CFAP70: variants seen among roughly 807,000 people sequenced by gnomAD.
The protein encoded by CFAP70 is cilia- and flagella-associated protein 70.
Under a neutral mutation model 137.6 loss-of-function variants are expected in CFAP70, and 81 were observed. That is an observed-to-expected ratio of 0.59 (90% CI 0.49 to 0.71). The LOEUF (loss-of-function observed/expected upper bound fraction) is 0.71. CFAP70 is among the 30% of genes least tolerant of loss of function. The probability of loss-of-function intolerance (pLI) is 0.00; values close to 1 mark genes in which losing one functional copy is unlikely to be tolerated. For synonymous variants in CFAP70, 382 were observed against 423.6 expected (o/e 0.90, Z 1.20); for missense variants, 976 against 1,226.7 (o/e 0.80, Z 3.05).
chr10:73,343,792 C>G (rs2053479157), intron 5 of CFAP70, among the ~76,000 whole-genome samples: 2 of 151,954 alleles, frequency 1.3e-5, no homozygotes, highest in African/African-American at 4.8e-5. Context: ...GAGCCCTTTT[C>G]AAGTTTAAAA....
chr10:73,362,798 G>T (rs540591064), upstream of CFAP70, among the ~76,000 whole-genome samples: 48 of 152,040 alleles, frequency 3.2e-4, no homozygotes, highest in African/African-American at 1.2e-3. Context: ...AGGACTTCCA[G>T]TACTATGTTG....
intron 25 of CFAP70, 99 bp from the exon 27 acceptor site, chr10:73,256,515 G>A (rs889391845): frequency 8.2e-7 from 1 of 1,224,050 alleles, no homozygotes. Flanking sequence ...TACACCTAAG[G>A]CAGAGGCTTC....
chr10:73,303,681 ATAGAG>A (rs1400196833), intron 12 of CFAP70, among the ~76,000 whole-genome samples: 22 of 152,244 alleles, frequency 1.4e-4, no homozygotes, highest in African/African-American at 4.6e-4. Context: ...AAAGTACTAT[ATAGAG>A]TACTTTATGT....
intron 12 of CFAP70, among the ~76,000 whole-genome samples, chr10:73,306,428 G>A (rs2049383492): frequency 6.6e-6 from 1 of 152,034 alleles, no homozygotes; most frequent in East Asian, 1.9e-4. Flanking sequence ...CAAAGACAAA[G>A]AAAAAATATC....
At chr10:73,301,137 C>T (rs555839492) in intron 12 of CFAP70, among the ~76,000 whole-genome samples, 1 of 152,158 alleles carries the variant, frequency 6.6e-6, no homozygotes, top group African/African-American at 2.4e-5. Context: ...AGGAAGGCCT[C>T]GCTGAGATGT....
intron 5 of CFAP70, among the ~76,000 whole-genome samples, chr10:73,343,090 G>T (rs2053404304): frequency 6.6e-6 from 1 of 151,662 alleles, no homozygotes. Flanking sequence ...GGTGCCTGTA[G>T]TCCCAGCTAC....
At position 73,310,281 on chromosome 10, in the gene CFAP70, GAAA is replaced by G. The variant is rs771790319; in HGVS notation, c.1165-35_1165-33del. On this transcript the variant is annotated intron_variant, in intron 11 of 26. Coordinates refer to ENST00000310715, the Ensembl canonical transcript of CFAP70. ...AGACATTGTTTTCTTATTATTTCCA[GAAA>G]AAAATATATTTATGAAAAATTTAGT... 2.0e-6 allele frequency: 3 copies of G among 1,489,642 alleles called. No homozygotes were observed. In the African/African-American group the frequency reaches 4.2e-5, roughly 21 times the overall value. 92.3% of individuals were successfully genotyped at this position (1,489,642 alleles called of 1,614,324 possible). A position where few individuals can be genotyped will look rare whatever the true frequency, so the allele number is the denominator to read the frequency against.
chr10:73,329,588 T>C lies in CFAP70; in HGVS notation c.777+1589A>G, dbSNP rs569735224. 1.8e-3 allele frequency among the ~76,000 whole-genome samples: 276 copies of C among 152,308 alleles called. 1 individual carries two copies. Among genetic ancestry groups the C allele is most frequent in the South Asian group, 5.6e-3 (27 of 4,832 alleles). ...ATACATACTCAAATTAATTGATATA[T>C]ATATTCAACCAAAAAGTCAATTTCA... On this transcript the variant is annotated intron_variant, in intron 8 of 26. Coordinates refer to ENST00000310715, the Ensembl canonical transcript of CFAP70.
chr10:73,310,363 C>G (rs111362185), intron 11 of CFAP70, 114 bp from the exon 13 acceptor site: 41 of 593,576 alleles, frequency 6.9e-5, no homozygotes, highest in African/African-American at 6.1e-4. Context: ...TATATAACTA[C>G]ATATACAGTG....
intron 14 of CFAP70, 67 bp from the exon 16 acceptor site, chr10:73,297,240 C>T (rs1490063124): frequency 1.3e-6 from 2 of 1,505,494 alleles, no homozygotes; most frequent in Non-Finnish European, 8.9e-7. Context: ...ACGGGTCTCT[C>T]TAGGGCTTTC....
In CFAP70 at chr10:73,291,775, A is replaced by G. The variant is rs200823014; in HGVS notation, c.1905-20T>C. 2 of 1,613,894 alleles carry G rather than the reference A, an allele frequency of 1.2e-6. No individual in the cohort carries two copies. Among genetic ancestry groups the G allele is most frequent in the Non-Finnish European group, 1.7e-6 (2 of 1,179,744 alleles). ...AACAAGCTGAGAAAAGATCACCAACATGATTAACAACACGGTCCCATGTCA... is the reference window on the plus strand; with the variant it reads ...AACAAGCTGAGAAAAGATCACCAACGTGATTAACAACACGGTCCCATGTCA... On this transcript the variant is annotated intron_variant, in intron 17 of 26. Coordinates refer to ENST00000310715, the Ensembl canonical transcript of CFAP70.
chr10:73,350,285 T>A (rs1023638735), intron 3 of CFAP70, among the ~76,000 whole-genome samples: 9 of 142,728 alleles, frequency 6.3e-5, no homozygotes, highest in Admixed American at 6.2e-4. Flanking sequence ...GGGTTCAGCT[T>A]CAGCATTTTC....
chr10:73,307,156 T>TTAA (rs2049449920), intron 12 of CFAP70, among the ~76,000 whole-genome samples: 1 of 152,098 alleles, frequency 6.6e-6, no homozygotes, highest in Non-Finnish European at 1.5e-5. Flanking sequence ...TGTTACAGGT[T>TTAA]TAAGGTGCTA....
chr10:73,272,409 A>G (rs574968115), intron 24 of CFAP70, among the ~76,000 whole-genome samples: 1 of 152,226 alleles, frequency 6.6e-6, no homozygotes, highest in Non-Finnish European at 1.5e-5. Context: ...CATGGAGTCA[A>G]TAATATGCCT....
At chr10:73,341,419 C>T in exon 6 of CFAP70, 1 of 1,611,542 alleles carries the variant, frequency 6.2e-7, no homozygotes, top group South Asian at 1.1e-5. Flanking sequence ...TTGAGTTCTC[C>T]TTCTTCTTCT....
intron 8 of CFAP70, among the ~76,000 whole-genome samples, chr10:73,324,945 AGCAAGGCAG>A (rs2051252892): frequency 6.6e-6 from 1 of 152,260 alleles, no homozygotes. Context: ...TCCCCAATCT[AGCAAGGCAG>A]GCTAACATTC....
chr10:73,323,559 T>A (rs1340525670), intron 8 of CFAP70, among the ~76,000 whole-genome samples: 5 of 152,126 alleles, frequency 3.3e-5, no homozygotes, highest in African/African-American at 1.2e-4. Flanking sequence ...GTCAGGGAGT[T>A]CCCTTTCCTA....
chr10:73,280,495 T>C (rs374476723), intron 19 of CFAP70, among the ~76,000 whole-genome samples: 14 of 152,272 alleles, frequency 9.2e-5, no homozygotes, highest in South Asian at 6.2e-4. Context: ...TGTGGTATGA[T>C]TGGAATTATT....
intron 9 of CFAP70, among the ~76,000 whole-genome samples, chr10:73,318,060 C>T (rs1041986528): frequency 4.6e-5 from 7 of 152,146 alleles, no homozygotes; most frequent in South Asian, 2.1e-4. Flanking sequence ...GACAGAGTAG[C>T]GATGGGGCTT....
Sources: gnomAD v4.1 joint callset for allele counts (sites outside exome capture counted in the v4.1 genomes callset) on GRCh38, gnomAD v4.1.1 for gene constraint, MANE v1.5 for transcripts, NCBI Gene and HGNC (gene_info 2026-07-23, HGNC 2026-07-21) for gene names.